The following RNF220 variants were observed in gnomAD, a reference collection of about 807,000 sequenced individuals.
The protein encoded by RNF220 is E3 ubiquitin-protein ligase RNF220.
Under a neutral mutation model 67.1 loss-of-function variants are expected in RNF220, and 7 were observed. The observed-to-expected ratio is 0.10, with a 90% CI of 0.06 to 0.20. RNF220 has a LOEUF of 0.20. Ranked by LOEUF, RNF220 falls within the 10% of genes least tolerant of loss-of-function variation. The pLI, the probability that RNF220 is intolerant of heterozygous loss-of-function variation, is 1.00. For synonymous variants in RNF220, 270 were observed against 283.2 expected (o/e 0.95, Z 0.47); for missense variants, 565 against 740.3 (o/e 0.76, Z 2.75).
intron 2 of RNF220, among the ~76,000 whole-genome samples, chr1:44,478,534 C>T (rs1380592647): frequency 6.6e-6 from 1 of 151,806 alleles, no homozygotes; most frequent in East Asian, 1.9e-4. Flanking sequence ...CCAGCCTGGC[C>T]AACATGGTGA....
chr1:44,406,119 T>A (rs1190120342), intron 1 of RNF220, among the ~76,000 whole-genome samples: 1 of 152,118 alleles, frequency 6.6e-6, no homozygotes, highest in Non-Finnish European at 1.5e-5. Context: ...CCCGACAGCC[T>A]CCACCCCACA....
chr1:44,555,717 C>T (rs1429056525), intron 2 of RNF220, among the ~76,000 whole-genome samples: 2 of 150,358 alleles, frequency 1.3e-5, no homozygotes, highest in Admixed American at 6.6e-5. Flanking sequence ...CCTCATGATT[C>T]GCCTGCCTCG....
chr1:44,650,663 G>A lies in RNF220; in HGVS notation c.1630-41G>A. 3 of 1,604,320 alleles carry A rather than the reference G, an allele frequency of 1.9e-6. No homozygotes were observed. The highest frequency in any genetic ancestry group is 2.6e-6 in the Non-Finnish European group (3 of 1,171,530). On this transcript the variant is annotated intron_variant, in intron 14 of 14. Coordinates refer to ENST00000361799, the MANE Select transcript of RNF220 (RefSeq NM_018150.4). This position sits in a 1 kb window ranked among gnomAD's most constrained non-coding sequence, Gnocchi z 4.3. Reference sequence around the variant, plus strand: ...CCAGGTGCTCACATGCGCACACATGGCTCATTGTGTAGACCAGAGCCCTCC... The same window carrying A: ...CCAGGTGCTCACATGCGCACACATGACTCATTGTGTAGACCAGAGCCCTCC...
chr1:44,537,657 C>T (rs1044198512), intron 2 of RNF220, among the ~76,000 whole-genome samples: 1 of 152,114 alleles, frequency 6.6e-6, no homozygotes, highest in East Asian at 1.9e-4. Flanking sequence ...GAATTCCTGT[C>T]GCATTTCTCA....
At chr1:44,539,625 T>C (rs984887561) in intron 2 of RNF220, among the ~76,000 whole-genome samples, 1 of 151,894 alleles carries the variant, frequency 6.6e-6, no homozygotes. Flanking sequence ...ACCTGGAGAG[T>C]GTGGAAATGA....
At position 44,622,691 on chromosome 1, in the gene RNF220, T is replaced by A; in HGVS notation, c.759-51T>A. On this transcript the variant is annotated intron_variant, in intron 3 of 14. Coordinates refer to ENST00000361799, the MANE Select transcript of RNF220 (RefSeq NM_018150.4). This position sits in a 1 kb window ranked among gnomAD's most constrained non-coding sequence, Gnocchi z 4.3. Reference sequence around the variant, plus strand: ...GTCTTCTTGCTACTCTACCGTTGCATGCCCTGGGCAGCAGGTAGAATGGTT... The same window carrying A: ...GTCTTCTTGCTACTCTACCGTTGCAAGCCCTGGGCAGCAGGTAGAATGGTT... The A allele has an allele frequency of 6.5e-7, 1 of 1,540,904 alleles. No homozygotes were observed. Among genetic ancestry groups the A allele is most frequent in the South Asian group, 1.1e-5 (1 of 89,470 alleles).
chr1:44,590,845 T>C (rs1666066296), intron 2 of RNF220, among the ~76,000 whole-genome samples: 1 of 152,208 alleles, frequency 6.6e-6, no homozygotes, highest in Non-Finnish European at 1.5e-5. Flanking sequence ...ACACACAATC[T>C]AGCCAGATGC....
intron 2 of RNF220, among the ~76,000 whole-genome samples, chr1:44,443,742 G>A (rs767421756): frequency 6.6e-6 from 1 of 152,096 alleles, no homozygotes; most frequent in Non-Finnish European, 1.5e-5. Context: ...CACAAGACAT[G>A]TGTACAGTTA....
intron 2 of RNF220, among the ~76,000 whole-genome samples, chr1:44,525,816 C>CCCG (rs1171451767): frequency 4.6e-5 from 7 of 152,182 alleles, no homozygotes; most frequent in Non-Finnish European, 1.0e-4. Flanking sequence ...GAAACACAGC[C>CCCG]CCGCCCTCAG....
At chr1:44,509,882 GTCCAAAAAAAAA>G (rs1182260526) in intron 2 of RNF220, among the ~76,000 whole-genome samples, 15 of 15,038 alleles carry the variant, frequency 1.0e-3, no homozygotes, top group South Asian at 9.9e-3. Context: ...GCGAGACCCT[GTCCAAAAAAAAA>G]AAAAAAAAAA....
chr1:44,426,604 G>A (rs1355777935), intron 2 of RNF220, among the ~76,000 whole-genome samples: 2 of 151,994 alleles, frequency 1.3e-5, no homozygotes, highest in Non-Finnish European at 2.9e-5. Flanking sequence ...GCACACACCT[G>A]TAATCCCAGC....
chr1:44,415,504 TAC>T (rs386366838), intron 2 of RNF220, among the ~76,000 whole-genome samples: 2,514 of 150,926 alleles, frequency 0.017, 51 homozygotes, highest in African/African-American at 0.053. Flanking sequence ...ATGGTTGATA[TAC>T]ACACACACAC....
intron 1 of RNF220, among the ~76,000 whole-genome samples, chr1:44,407,419 C>T (rs1022554903): frequency 2.6e-5 from 4 of 152,180 alleles, no homozygotes; most frequent in African/African-American, 7.2e-5. Context: ...GGGGAATGAG[C>T]AGAGGGGGGA....
chr1:44,563,239 G>A (rs1182485878), intron 2 of RNF220, among the ~76,000 whole-genome samples: 2 of 129,084 alleles, frequency 1.5e-5, no homozygotes, highest in African/African-American at 2.5e-5. Flanking sequence ...CCTCAGGGGC[G>A]AGGCTGGGCT....
rs138066891 is a variant in RNF220, at chr1:44,507,636, G to A, written c.625+94914G>A. Among the ~76,000 whole-genome samples, 124 of 152,228 alleles carry A rather than the reference G, an allele frequency of 8.1e-4. No homozygotes were observed. The South Asian group carries it at 9.1e-3, about 11-fold the overall frequency. ...AAGTAGCGGGCAGGCTTGGAGTGGC[G>A]TGGGGGTTGATACCACACTTACTTC... On this transcript the variant is annotated intron_variant, in intron 2 of 14. Transcript: ENST00000361799.
Position 44,645,561 on chromosome 1 carries a change from G to GCCTT in RNF220, c.1445+76_1445+77insTCCT. ...GGAGGGGCCCTTTGCTAGCAGGAAG[G>GCCTT]CCTGCTGCCAGGGCTTCTGGCCCTC... On this transcript the variant is annotated intron_variant, in intron 12 of 14. Transcript: ENST00000361799. This position sits in a 1 kb window ranked among gnomAD's most constrained non-coding sequence, Gnocchi z 5.0. 2 of 1,467,528 alleles carry GCCTT rather than the reference G, an allele frequency of 1.4e-6. No homozygotes were observed. The highest frequency in any genetic ancestry group is 1.9e-6 in the Non-Finnish European group (2 of 1,058,552). 90.9% of individuals were successfully genotyped at this position (1,467,528 alleles called of 1,614,324 possible). A position where few individuals can be genotyped will look rare whatever the true frequency, so the allele number is the denominator to read the frequency against.
intron 2 of RNF220, among the ~76,000 whole-genome samples, chr1:44,457,327 A>T (rs1236977131): frequency 6.6e-6 from 1 of 152,154 alleles, no homozygotes; most frequent in Non-Finnish European, 1.5e-5. Context: ...TTCATTCTTC[A>T]CTCAATAGGT....
chr1:44,523,487 G>A (rs1037262571), intron 2 of RNF220, among the ~76,000 whole-genome samples: 4 of 152,228 alleles, frequency 2.6e-5, no homozygotes, highest in African/African-American at 4.8e-5. Flanking sequence ...ACTTGGTCCC[G>A]CGCTTCCTGA....
At position 44,636,879 on chromosome 1, in the gene RNF220, C is replaced by G. The variant is rs150424076; in HGVS notation, c.1126+717C>G. Among the ~76,000 whole-genome samples, 554 of 152,358 alleles carry G rather than the reference C, an allele frequency of 3.6e-3. 5 individuals carry two copies. Among genetic ancestry groups the G allele is most frequent in the African/African-American group, 0.012 (491 of 41,586 alleles). On this transcript the variant is annotated intron_variant, in intron 8 of 14. Transcript: ENST00000361799. ...AAGAGCAAGGCTTGACACCCCCCAC[C>G]AGGTCAGACAGCAGAATTGGTTGGG...
Sources: gnomAD v4.1 joint callset for allele counts (sites outside exome capture counted in the v4.1 genomes callset) on GRCh38, gnomAD v4.1.1 for gene constraint, Gnocchi (gnomAD v3.1) non-coding constraint, MANE v1.5 for transcripts, NCBI Gene and HGNC (gene_info 2026-07-23, HGNC 2026-07-21) for gene names.